FHDC1: variants seen among roughly 807,000 people sequenced by gnomAD.
The protein encoded by FHDC1 is FH2 domain containing 1, also known as FH2 domain-containing protein 1.
Under a neutral mutation model 52.6 loss-of-function variants are expected in FHDC1, and 25 were observed. The ratio of observed to expected loss-of-function variants is 0.48; its 90% confidence interval spans 0.35 to 0.66. The LOEUF is 0.66. Ranked by LOEUF, FHDC1 falls within the 30% of genes least tolerant of loss-of-function variation. The probability of loss-of-function intolerance (pLI) is 0.01; values close to 1 mark genes in which losing one functional copy is unlikely to be tolerated. For synonymous variants in FHDC1, 616 were observed against 581.5 expected (o/e 1.06, Z -0.85); for missense variants, 1,459 against 1,452.8 (o/e 1.00, Z -0.07).
In FHDC1 at chr4:152,964,925, C is replaced by G; in HGVS notation, c.1050C>G (p.Thr350=). The change falls in exon 9 of 12, where the codon ACC becomes ACG. Residue 350 remains threonine (T), a synonymous_variant. Coordinates refer to ENST00000511601, the MANE Select transcript of FHDC1 (RefSeq NM_001371116.1). ...TCCAGGAAGCCCAAAAGAAAGATAC[C>G]ATTCTTCTAAACTTTTCAGAAAAAT... The part of the protein sequence containing the change: ...FVAQEAQKKD[T]ILLNFSEKLH... 1 of 1,611,422 alleles carries G rather than the reference C, an allele frequency of 6.2e-7. No homozygotes were observed. The highest frequency in any genetic ancestry group is 1.3e-5 in the African/African-American group (1 of 74,908).
the FHDC1 span, chr4:152,917,222 T>C: frequency 6.6e-6 from 1 of 152,258 alleles, no homozygotes; most frequent in Non-Finnish European, 1.5e-5. Context: ...TCAATTTTTT[T>C]GCCCTCTTGT....
At position 152,978,923 on chromosome 4, in the gene FHDC1, G is replaced by GT. The variant is rs1469341399; in HGVS notation, c.*2201dup. 6.6e-6 allele frequency: 1 copy of GT among 152,096 alleles called. No individual in the cohort carries two copies. Among genetic ancestry groups the GT allele is most frequent in the African/African-American group, 2.4e-5 (1 of 41,394 alleles). The allele number at this position is 152,096 out of a possible 1,614,324, so 9.4% of individuals were successfully genotyped here. Reference sequence around the variant, plus strand: ...CTCTTGTAAAAACAGCCCTGAGTAGGTATTTCCAGGGCTCCACAAAGTTGC... The same window carrying GT: ...CTCTTGTAAAAACAGCCCTGAGTAGGTTATTTCCAGGGCTCCACAAAGTTGC... On this transcript the variant is annotated 3_prime_UTR_variant, in exon 12 of 12. Coordinates refer to ENST00000511601, the MANE Select transcript of FHDC1 (RefSeq NM_001371116.1).
At chr4:152,922,206 C>A in the FHDC1 span, among the ~76,000 whole-genome samples, 9 of 151,804 alleles carry the variant, frequency 5.9e-5, no homozygotes, top group Non-Finnish European at 1.0e-4. Context: ...ATGCAAACTA[C>A]CATCAGAGAA....
rs533948682 is a variant in FHDC1, at chr4:152,969,261, C to T, written c.1218+1164C>T. 3.3e-5 allele frequency among the ~76,000 whole-genome samples: 5 copies of T among 152,198 alleles called. No individual in the cohort carries two copies. In the South Asian group the frequency reaches 1.0e-3, roughly 32 times the overall value. On this transcript the variant is annotated intron_variant, in intron 10 of 11. Coordinates refer to ENST00000511601, the MANE Select transcript of FHDC1 (RefSeq NM_001371116.1). Reference sequence around the variant, plus strand: ...GTTGTGCCAGCTGAAGCCTTCGCTTCTTAATTCAGCTCCTTCAAAATATTA... The same window carrying T: ...GTTGTGCCAGCTGAAGCCTTCGCTTTTTAATTCAGCTCCTTCAAAATATTA...
the FHDC1 span, chr4:152,928,252 C>G: frequency 1.4e-6 from 1 of 690,060 alleles, no homozygotes; most frequent in Non-Finnish European, 2.7e-6. Flanking sequence ...AATGGTAGAT[C>G]GGACCATTCA....
In FHDC1 at chr4:152,975,782, G is replaced by A. The variant is rs776112307; in HGVS notation, c.2491G>A (p.Glu831Lys). ...CAACCCTACATCCAGCCCCCCTGGG[G>A]AGGCTCCTGCCCCCGTCTCTGTGGA... ...SSNPTSSPPG[E>K]APAPVSVDSE... is the part of the protein sequence containing the mutation. The change falls in exon 12 of 12, where the codon GAG becomes AAG. Residue 831 changes from glutamate to lysine, a missense_variant. Around this residue, in one of 3 missense-constraint regions of FHDC1, gnomAD observed 939 missense variants for 854.5 expected, o/e 1.10. Coordinates refer to ENST00000511601, the MANE Select transcript of FHDC1 (RefSeq NM_001371116.1). 5.2e-6 allele frequency: 8 copies of A among 1,552,902 alleles called. No homozygotes were observed. Among genetic ancestry groups the A allele is most frequent in the Middle Eastern group, 3.5e-4 (2 of 5,748 alleles).
intron 11 of FHDC1, among the ~76,000 whole-genome samples, chr4:152,974,033 G>A (rs753134413): frequency 5.3e-5 from 8 of 152,352 alleles, no homozygotes; most frequent in Admixed American, 1.3e-4. Flanking sequence ...ACCATGCCAC[G>A]TGTGGTGTTG....
At chr4:152,930,682 T>A in the FHDC1 span, among the ~76,000 whole-genome samples, 3 of 152,226 alleles carry the variant, frequency 2.0e-5, no homozygotes, top group Non-Finnish European at 2.9e-5. Flanking sequence ...AATGGTTCAT[T>A]TTAATTATTT....
At chr4:152,956,957 T>G (rs893954886) in intron 4 of FHDC1, among the ~76,000 whole-genome samples, 3 of 152,066 alleles carry the variant, frequency 2.0e-5, no homozygotes, top group African/African-American at 7.2e-5. Flanking sequence ...GGAGGGGGTC[T>G]CGGGGAAAGC....
chr4:152,945,838 T>C (rs918309043), intron 2 of FHDC1, among the ~76,000 whole-genome samples: 8 of 152,170 alleles, frequency 5.3e-5, no homozygotes, highest in African/African-American at 1.4e-4. Context: ...TCCGGAACAC[T>C]TTTCGTGCTG....
the FHDC1 span, among the ~76,000 whole-genome samples, chr4:152,921,810 A>G: frequency 6.6e-6 from 1 of 152,172 alleles, no homozygotes; most frequent in African/African-American, 2.4e-5. Context: ...CATTTTACCA[A>G]TAAATTTCGA....
the FHDC1 span, among the ~76,000 whole-genome samples, chr4:152,914,006 A>C: frequency 6.6e-6 from 1 of 152,190 alleles, no homozygotes; most frequent in East Asian, 1.9e-4. Flanking sequence ...TTTTAACCAA[A>C]TTTAGGTATT....
chr4:152,931,455 AACACACACACACACACACACACACAC>A (rs56142204), upstream of FHDC1, among the ~76,000 whole-genome samples: 6 of 127,222 alleles, frequency 4.7e-5, no homozygotes, highest in Admixed American at 7.8e-5. Context: ...CAGCCTCTAA[AACACACACACACACACACACACACAC>A]ACACACACAC....
chr4:152,967,980 A>T lies in FHDC1; in HGVS notation c.1101A>T (p.Arg367Ser), dbSNP rs1332300436. ...CCCACTCTCCCCTTTCTTCTTTTAGATTATCTCTGGAGAACACGGAGGCAG... is the reference window on the plus strand; with the variant it reads ...CCCACTCTCCCCTTTCTTCTTTTAGTTTATCTCTGGAGAACACGGAGGCAG... ...EKLHHVQKTARLSLENTEAEL... is the reference protein window; with the variant it reads ...EKLHHVQKTASLSLENTEAEL... Residue 367 changes from arginine to serine, a missense_variant and splice_region_variant, in exon 10 of 12, where the codon AGA becomes AGT. Arg to Ser is a moderately radical substitution (Grantham distance 110, BLOSUM62 -1). This residue lies in a region of FHDC1 where 513 missense variants were observed against 581.5 expected (regional missense o/e 0.88). Transcript: ENST00000511601. The T allele has an allele frequency of 1.9e-6, 3 of 1,610,838 alleles. No homozygotes were observed. The highest frequency in any genetic ancestry group is 2.5e-6 in the Non-Finnish European group (3 of 1,178,656).
At chr4:152,967,594 G>T (rs1005804686) in intron 9 of FHDC1, among the ~76,000 whole-genome samples, 1 of 152,200 alleles carries the variant, frequency 6.6e-6, no homozygotes, top group African/African-American at 2.4e-5. Flanking sequence ...CTTCTTGTGG[G>T]TTAGAGTTTC....
chr4:152,975,383 CTG>C lies in FHDC1; in HGVS notation c.2093_2094del (p.Leu698GlnfsTer2), dbSNP rs1222841796. The C allele has an allele frequency of 1.2e-5, 20 of 1,613,598 alleles. 1 individual carries two copies. Among genetic ancestry groups the C allele is most frequent in the Non-Finnish European group, 1.7e-5 (20 of 1,180,034 alleles). On this transcript the variant is annotated frameshift_variant, in exon 12 of 12. Coordinates refer to ENST00000511601, the MANE Select transcript of FHDC1 (RefSeq NM_001371116.1). LOFTEE classifies it low-confidence loss of function (END_TRUNC). ...QGMEETSQLT[L>X]SDFSPMELES... is the part of the protein sequence containing the mutation. ...CATGGAGGAGACCTCCCAGCTGACT[CTG>C]AGTGACTTCAGCCCGATGGAGCTAG...
chr4:152,959,864 C>T (rs112075788), intron 4 of FHDC1, among the ~76,000 whole-genome samples: 39 of 152,300 alleles, frequency 2.6e-4, no homozygotes, highest in African/African-American at 8.7e-4. Context: ...GCTGGAACCC[C>T]GCTTTTCCAG....
the FHDC1 span, chr4:152,928,009 G>A: frequency 1.4e-6 from 2 of 1,471,166 alleles, no homozygotes; most frequent in Non-Finnish European, 1.9e-6. Flanking sequence ...CATCCTGCAA[G>A]TCTCTCAGAA....
At position 152,976,286 on chromosome 4, in the gene FHDC1, G is replaced by A. The variant is rs61748690; in HGVS notation, c.2995G>A (p.Glu999Lys). The A allele has an allele frequency of 3.9e-4, 635 of 1,613,462 alleles. 4 individuals carry two copies. In the African/African-American group the frequency reaches 7.3e-3, roughly 18 times the overall value. ...LRNLPRQKPE[E>K]NKTCRAHSEG... The stretch of plus-strand genomic sequence containing the variant: ...GAACCTCCCCAGACAGAAGCCTGAG[G>A]AAAATAAGACCTGCCGCGCCCACTC... The change falls in exon 12 of 12, where the codon GAA becomes AAA. Residue 999 changes from glutamate to lysine, a missense_variant. This residue lies in a region of FHDC1 where 939 missense variants were observed against 854.5 expected (regional missense o/e 1.10). Coordinates refer to ENST00000511601, the MANE Select transcript of FHDC1 (RefSeq NM_001371116.1).
Sources: gnomAD v4.1 joint callset for allele counts (sites outside exome capture counted in the v4.1 genomes callset) on GRCh38, gnomAD v4.1.1 for gene constraint, gnomAD v4.1.1 regional missense constraint, MANE v1.5 for transcripts, NCBI Gene and HGNC (gene_info 2026-07-23, HGNC 2026-07-21) for gene names.